Variants in RAD52 observed in about 807,000 individuals in gnomAD.
RAD52 encodes DNA repair protein RAD52 homolog.
RAD52 carries 47 observed loss-of-function variants against 55.5 expected under a neutral mutation model. The observed-to-expected ratio is 0.85, with a 90% CI of 0.67 to 1.08. RAD52 has a LOEUF of 1.08. Among genes scored for constraint, RAD52 ranks in the 50% least tolerant of loss-of-function variants. RAD52 has a pLI of 0.00. For missense variants in RAD52, 468 were observed against 522.8 expected, an observed-to-expected ratio of 0.90 and a Z score of 1.02; for synonymous variants, 184 against 198.9, an observed-to-expected ratio of 0.92 and a Z score of 0.63.
chr12:922,420 C>T (rs1477059946), intron 7 of RAD52, among the ~76,000 whole-genome samples: 1 of 152,092 alleles, frequency 6.6e-6, no homozygotes, highest in Non-Finnish European at 1.5e-5. Context: ...AAGAGAGTTA[C>T]ACACCCTCGT....
intron 1 of RAD52, among the ~76,000 whole-genome samples, chr12:979,560 C>CGT (rs754442641): frequency 0.018 from 2,655 of 151,112 alleles, 22 homozygotes; most frequent in Middle Eastern, 0.062. Flanking sequence ...TCTCTCTGTG[C>CGT]GTGTGTGTGT....
chr12:958,860 G>A (rs1958647412), intron 1 of RAD52, among the ~76,000 whole-genome samples: 1 of 152,124 alleles, frequency 6.6e-6, no homozygotes, highest in African/African-American at 2.4e-5. Context: ...TTTTCCTCAA[G>A]CACCCTATGG....
chr12:982,843 T>C (rs1959036971), intron 1 of RAD52, among the ~76,000 whole-genome samples: 1 of 146,152 alleles, frequency 6.8e-6, no homozygotes, highest in Admixed American at 6.9e-5. Flanking sequence ...CGCACCACGA[T>C]GCCTGCTAAT....
rs1956221252 is a variant in RAD52, at chr12:913,895, T to A, written c.1194A>T (p.Thr398=). 2 of 1,613,558 alleles carry A rather than the reference T, an allele frequency of 1.2e-6. No individual in the cohort carries two copies. The highest frequency in any genetic ancestry group is 1.7e-6 in the Non-Finnish European group (2 of 1,179,432). The change falls in exon 11 of 12, where the codon ACA becomes ACT. Residue 398 remains threonine, a splice_region_variant and synonymous_variant. Coordinates refer to ENST00000358495, the MANE Select transcript of RAD52 (RefSeq NM_134424.4). ...TGTGCCTAAACACCTCTCTGCTACC[T>A]GTTGTGCGTTGGTCAGCGCTATAAG... ...LQTYSADQRT[T]GNWESHRKSQ... is the part of the protein sequence containing the mutation.
At position 926,790 on chromosome 12, in the gene RAD52, T is replaced by C. The variant is rs11571444; in HGVS notation, c.467+355A>G. On this transcript the variant is annotated intron_variant, in intron 6 of 11. Transcript: ENST00000358495. ...CGTGACTGTGTAACTACGTTAACTA[T>C]GCTACCTGTGCGTAGCGGAGGACTG... The C allele has an allele frequency of 8.5e-5, 131 of 1,535,710 alleles. 1 individual carries two copies. In the East Asian group the frequency reaches 3.0e-3, roughly 35 times the overall value.
chr12:972,885 G>T (rs1958882842), intron 1 of RAD52, among the ~76,000 whole-genome samples: 1 of 152,006 alleles, frequency 6.6e-6, no homozygotes, highest in African/African-American at 2.4e-5. Context: ...ACTAGCAGAT[G>T]AGGTCAAAGA....
chr12:924,947 ATT>A (rs10708242), intron 7 of RAD52, among the ~76,000 whole-genome samples: 160 of 105,582 alleles, frequency 1.5e-3, no homozygotes, highest in Admixed American at 2.5e-3. Flanking sequence ...AAATGGTGTG[ATT>A]TTTTTTTTTT....
chr12:959,920 C>T (rs952786424), intron 1 of RAD52, among the ~76,000 whole-genome samples: 1 of 152,076 alleles, frequency 6.6e-6, no homozygotes, highest in Admixed American at 6.6e-5. Flanking sequence ...CTGATGTTCT[C>T]CAAATTCAAT....
chr12:924,357 C>A (rs972525800), intron 7 of RAD52, among the ~76,000 whole-genome samples: 2 of 152,124 alleles, frequency 1.3e-5, no homozygotes, highest in African/African-American at 4.8e-5. Context: ...TTGCAGTGAG[C>A]CAAGATCACA....
intron 9 of RAD52, chr12:916,126 G>A: frequency 7.9e-7 from 1 of 1,260,758 alleles, no homozygotes; most frequent in Non-Finnish European, 1.0e-6. Context: ...GTTCCACGGG[G>A]GAAAAAAGAA....
At chr12:948,493 A>C (rs972851857) in intron 1 of RAD52, among the ~76,000 whole-genome samples, 1 of 152,024 alleles carries the variant, frequency 6.6e-6, no homozygotes, top group African/African-American at 2.4e-5. Context: ...CCTAACCAAC[A>C]TGGTGAAAAA....
intron 1 of RAD52, among the ~76,000 whole-genome samples, chr12:988,915 G>A (rs895897847): frequency 8.3e-6 from 1 of 120,980 alleles, no homozygotes; most frequent in African/African-American, 4.0e-5. Context: ...ATTTGGTAGA[G>A]ACAAAAAAAC....
chr12:948,818 G>A (rs986373655), intron 1 of RAD52, among the ~76,000 whole-genome samples: 59 of 151,814 alleles, frequency 3.9e-4, no homozygotes, highest in African/African-American at 1.4e-3. Context: ...TCATGCCTCC[G>A]CCTCCCGAGT....
In RAD52 at chr12:947,365, C is replaced by T. The variant is rs138208434; in HGVS notation, c.-19+2237G>A. ...CAGACAAACAAAAAAACAAAACTCC[C>T]GCCCAGGTGTGGTGGCTCACACCTG... On this transcript the variant is annotated intron_variant, in intron 1 of 11. Coordinates refer to ENST00000358495, the MANE Select transcript of RAD52 (RefSeq NM_134424.4). Among the ~76,000 whole-genome samples the T allele has an allele frequency of 4.6e-4, 69 of 151,432 alleles. 1 individual carries two copies. In the East Asian group the frequency reaches 5.5e-3, roughly 12 times the overall value.
In RAD52 at chr12:958,301, G is replaced by A. The variant is rs543944917; in HGVS notation, c.-18-25225C>T. ...CCAGATCTTGGCTCACTGCAAACTC[G>A]GCCTCCTGGGTTCAAGCCATTCTCC... On this transcript the variant is annotated intron_variant, in intron 1 of 11. Transcript: ENST00000430095. 1.1e-4 allele frequency among the ~76,000 whole-genome samples: 16 copies of A among 152,126 alleles called. No individual in the cohort carries two copies. In the East Asian group the frequency reaches 2.9e-3, roughly 28 times the overall value.
chr12:978,148 C>T (rs887864604), intron 1 of RAD52, among the ~76,000 whole-genome samples: 4 of 152,216 alleles, frequency 2.6e-5, no homozygotes, highest in African/African-American at 9.6e-5. Context: ...GAGGCACCAA[C>T]TGTCCTTTCG....
chr12:970,255 G>A (rs1302777705), intron 1 of RAD52, among the ~76,000 whole-genome samples: 1 of 141,688 alleles, frequency 7.1e-6, no homozygotes, highest in Admixed American at 7.7e-5. Flanking sequence ...GGAGGTGAAG[G>A]CTGCAGTAAG....
At chr12:978,445 A>G (rs1958963486) in intron 1 of RAD52, among the ~76,000 whole-genome samples, 2 of 152,192 alleles carry the variant, frequency 1.3e-5, no homozygotes, top group Admixed American at 6.5e-5. Context: ...CAGTGTGGCT[A>G]TAGTGTCAAT....
At chr12:989,762 A>C (rs1959157083) in intron 1 of RAD52, 1 of 152,220 alleles carries the variant, frequency 6.6e-6, no homozygotes, top group African/African-American at 2.4e-5. Context: ...ACAGTGGGAG[A>C]ATGAGAACAG....
Sources: gnomAD v4.1 joint callset for allele counts (sites outside exome capture counted in the v4.1 genomes callset) on GRCh38, gnomAD v4.1.1 for gene constraint, MANE v1.5 for transcripts, NCBI Gene and HGNC (gene_info 2026-07-23, HGNC 2026-07-21) for gene names.